Variants in CNOT6L observed in about 807,000 individuals in gnomAD.
CNOT6L encodes the protein CCR4-NOT transcription complex subunit 6-like.
CNOT6L carries 7 observed loss-of-function variants against 64.0 expected under a neutral mutation model. The observed-to-expected ratio is 0.11, with a 90% CI of 0.06 to 0.21. CNOT6L has a LOEUF of 0.21. CNOT6L is among the 10% of genes least tolerant of loss of function. CNOT6L has a pLI of 1.00. For missense variants in CNOT6L, 245 were observed against 669.0 expected (o/e 0.37, Z 6.99); for synonymous variants, 193 against 243.4 (o/e 0.79, Z 1.93).
chr4:77,763,362 A>C (rs1726455798), intron 4 of CNOT6L, among the ~76,000 whole-genome samples: 1 of 152,146 alleles, frequency 6.6e-6, no homozygotes. Context: ...AAATTGGCAT[A>C]GCTATATTAG....
chr4:77,819,848 G>A (rs972808706), upstream of CNOT6L, among the ~76,000 whole-genome samples: 1 of 151,552 alleles, frequency 6.6e-6, no homozygotes, highest in Non-Finnish European at 1.5e-5. Context: ...AGACAGACCG[G>A]GGGTCGGGAA....
upstream of CNOT6L, chr4:77,819,436 C>T: frequency 6.3e-7 from 1 of 1,581,084 alleles, no homozygotes. Flanking sequence ...CGGCCGCAGA[C>T]GCAGACGCAA....
intron 1 of CNOT6L, among the ~76,000 whole-genome samples, chr4:77,778,420 C>A (rs1208485062): frequency 2.0e-5 from 3 of 148,494 alleles, no homozygotes; most frequent in Admixed American, 6.7e-5. Context: ...TTTTTTGAGA[C>A]GGAGTTTTGC....
intron 1 of CNOT6L, chr4:77,819,100 A>G: frequency 2.4e-6 from 2 of 817,302 alleles, no homozygotes; most frequent in Non-Finnish European, 3.9e-6. Flanking sequence ...CCGCCTCTGA[A>G]GAGACGCGGG....
intron 5 of CNOT6L, among the ~76,000 whole-genome samples, chr4:77,751,161 A>G (rs1177099143): frequency 6.6e-6 from 1 of 152,166 alleles, no homozygotes; most frequent in Non-Finnish European, 1.5e-5. Flanking sequence ...TATCCCTGAA[A>G]AGAATAGAAA....
chr4:77,776,226 T>C (rs368414599), intron 2 of CNOT6L, 45 bp downstream of exon 2: 3 of 1,581,400 alleles, frequency 1.9e-6, no homozygotes, highest in African/African-American at 1.4e-5. Context: ...AACTTTTGTA[T>C]TATCACTATT....
intron 5 of CNOT6L, among the ~76,000 whole-genome samples, chr4:77,753,901 TAAA>T (rs35875677): frequency 2.8e-4 from 39 of 138,554 alleles, no homozygotes; most frequent in South Asian, 6.8e-4. Context: ...CTACTCATGT[TAAA>T]AAAAAAAAAA....
At chr4:77,736,623 A>G (rs1380333586) in intron 8 of CNOT6L, among the ~76,000 whole-genome samples, 1 of 152,146 alleles carries the variant, frequency 6.6e-6, no homozygotes, top group African/African-American at 2.4e-5. Flanking sequence ...GTTTCTTCTC[A>G]ATTAGACATA....
intron 8 of CNOT6L, among the ~76,000 whole-genome samples, chr4:77,739,057 A>T (rs1723291720): frequency 6.6e-6 from 1 of 152,212 alleles, no homozygotes. Flanking sequence ...TGATTTAAAG[A>T]ACAGTGTATT....
chr4:77,797,582 G>A (rs1317336560), intron 1 of CNOT6L, among the ~76,000 whole-genome samples: 17 of 152,182 alleles, frequency 1.1e-4, no homozygotes, highest in Non-Finnish European at 2.2e-4. Flanking sequence ...AAGCACAAGA[G>A]TAGTGATGCT....
chr4:77,717,028 T>C lies in CNOT6L; in HGVS notation c.*3403A>G, dbSNP rs767912318. 1 of 152,558 alleles carries C rather than the reference T, an allele frequency of 6.6e-6. No homozygotes were observed. The highest frequency in any genetic ancestry group is 1.5e-5 in the Non-Finnish European group (1 of 68,020). 9.5% of individuals were successfully genotyped at this position (152,558 alleles called of 1,614,324 possible). ...ACAAAAATATTCAGCTATGTTATTA[T>C]ACAAAATTTTTTTTACATAAAACAT... On this transcript the variant is annotated 3_prime_UTR_variant, in exon 12 of 12. Coordinates refer to ENST00000504123, the MANE Select transcript of CNOT6L (RefSeq NM_144571.3).
chr4:77,763,019 AC>A (rs2110021862), intron 4 of CNOT6L, among the ~76,000 whole-genome samples: 1 of 152,290 alleles, frequency 6.6e-6, no homozygotes, highest in African/African-American at 2.4e-5. Flanking sequence ...TCAAGAATAA[AC>A]ACAAGGAGTC....
At chr4:77,743,469 T>A (rs11944704) in intron 7 of CNOT6L, among the ~76,000 whole-genome samples, 9,609 of 151,942 alleles carry the variant, frequency 0.063, 451 homozygotes, top group African/African-American at 0.13. Context: ...AGATTTTTAC[T>A]TTTTTCCCAA....
chr4:77,741,525 T>G (rs1262172109), intron 8 of CNOT6L, among the ~76,000 whole-genome samples: 1 of 152,212 alleles, frequency 6.6e-6, no homozygotes, highest in African/African-American at 2.4e-5. Context: ...TACCTCCATA[T>G]GCTCTGTGCC....
intron 8 of CNOT6L, among the ~76,000 whole-genome samples, chr4:77,733,117 G>C (rs953650010): frequency 1.3e-4 from 20 of 152,052 alleles, no homozygotes; most frequent in Non-Finnish European, 2.8e-4. Context: ...TTTCTGGTGA[G>C]ATTCCCACAG....
chr4:77,804,260 T>C (rs957861721), intron 1 of CNOT6L, among the ~76,000 whole-genome samples: 2 of 151,864 alleles, frequency 1.3e-5, no homozygotes, highest in Middle Eastern at 3.2e-3. Flanking sequence ...AAACACCGTC[T>C]CTACTAAAAA....
At chr4:77,810,631 A>G (rs916568989) in intron 1 of CNOT6L, among the ~76,000 whole-genome samples, 2 of 152,152 alleles carry the variant, frequency 1.3e-5, no homozygotes, top group Non-Finnish European at 2.9e-5. Context: ...AACATGTATC[A>G]TTTCTTTGCA....
chr4:77,812,206 A>T (rs1022072975), intron 1 of CNOT6L, among the ~76,000 whole-genome samples: 3 of 152,078 alleles, frequency 2.0e-5, no homozygotes, highest in Non-Finnish European at 4.4e-5. Flanking sequence ...GCACTTTGGG[A>T]GGCTGAGGCA....
At chr4:77,789,945 CAAAAAAAAAAAAAAAAAAA>C (rs58242121) in intron 1 of CNOT6L, among the ~76,000 whole-genome samples, 19 of 83,308 alleles carry the variant, frequency 2.3e-4, no homozygotes, top group African/African-American at 5.3e-4. Flanking sequence ...GACACTGTCT[CAAAAAAAAAAAAAAAAAAA>C]AAAAAAAAAA....
Sources: gnomAD v4.1 joint callset for allele counts (sites outside exome capture counted in the v4.1 genomes callset) on GRCh38, gnomAD v4.1.1 for gene constraint, MANE v1.5 for transcripts, NCBI Gene and HGNC (gene_info 2026-07-23, HGNC 2026-07-21) for gene names.